The following SLC35D2 variants were observed in gnomAD, a reference collection of about 807,000 sequenced individuals.
SLC35D2 encodes the protein solute carrier family 35 member D2.
A neutral mutation model predicts 41.8 loss-of-function variants in SLC35D2; 43 were observed. The ratio of observed to expected loss-of-function variants is 1.03; its 90% CI spans 0.81 to 1.33. The LOEUF is 1.33. SLC35D2 is among the 40% of genes most tolerant of loss of function. SLC35D2 has a pLI of 0.00. For missense variants in SLC35D2, 380 were observed against 408.4 expected, an observed-to-expected ratio of 0.93 and a Z score of 0.60; for synonymous variants, 150 against 163.9, an observed-to-expected ratio of 0.92 and a Z score of 0.65.
At chr9:96,368,235 A>G in intron 2 of SLC35D2, 37 bp downstream of exon 2, 14 of 1,533,502 alleles carry the variant, frequency 9.1e-6, no homozygotes, top group Non-Finnish European at 1.2e-5. Flanking sequence ...AATACTGATA[A>G]CAAAATAAGA....
intron 1 of SLC35D2, among the ~76,000 whole-genome samples, chr9:96,368,630 T>G (rs1398338950): frequency 6.6e-6 from 1 of 151,094 alleles, no homozygotes; most frequent in Non-Finnish European, 1.5e-5. Context: ...GCCTCCCTAG[T>G]AGCTGGGACC....
chr9:96,371,474 C>CAAAAAAAAAAAAAAAAAAAAAAAAAAAA (rs539576375), intron 1 of SLC35D2, among the ~76,000 whole-genome samples: 4 of 46,648 alleles, frequency 8.6e-5, no homozygotes, highest in Admixed American at 4.4e-4. Context: ...GACTCTGTCT[C>CAAAAAAAAAAAAAAAAAAAAAAAAAAAA]AAAAAAAAAA....
At chr9:96,358,299 A>G (rs1282438887) in intron 4 of SLC35D2, among the ~76,000 whole-genome samples, 4 of 151,862 alleles carry the variant, frequency 2.6e-5, no homozygotes, top group Non-Finnish European at 4.4e-5. Context: ...AATGTAAACT[A>G]TAAAAATTCT....
At chr9:96,347,804 C>CT (rs966317028) in intron 6 of SLC35D2, among the ~76,000 whole-genome samples, 28 of 152,248 alleles carry the variant, frequency 1.8e-4, no homozygotes, top group African/African-American at 6.7e-4. Context: ...TCATAAAGAC[C>CT]TTGCTGATAG....
intron 4 of SLC35D2, among the ~76,000 whole-genome samples, chr9:96,358,210 C>T (rs1830120470): frequency 1.3e-5 from 2 of 150,122 alleles, no homozygotes; most frequent in South Asian, 4.2e-4. Flanking sequence ...ATAAGCCAGA[C>T]AAAAAAGGCA....
At chr9:96,315,146 G>T (rs1042918819) in intron 11 of SLC35D2, among the ~76,000 whole-genome samples, 1 of 152,068 alleles carries the variant, frequency 6.6e-6, no homozygotes, top group Non-Finnish European at 1.5e-5. Flanking sequence ...TAAAGACAAG[G>T]TCTTCCTTTG....
At chr9:96,346,863 G>T (rs911206032) in intron 6 of SLC35D2, among the ~76,000 whole-genome samples, 2 of 151,734 alleles carry the variant, frequency 1.3e-5, no homozygotes, top group African/African-American at 2.4e-5. Flanking sequence ...TTGGCCAGGC[G>T]TGGTGGCTCC....
chr9:96,330,083 A>T (rs1448980779), intron 9 of SLC35D2, among the ~76,000 whole-genome samples: 1 of 152,268 alleles, frequency 6.6e-6, no homozygotes, highest in African/African-American at 2.4e-5. Flanking sequence ...CTGACCACAG[A>T]CTGCTGGTGG....
At position 96,378,821 on chromosome 9, in the gene SLC35D2, C is replaced by A. The variant is rs1587730219; in HGVS notation, c.158+4656G>T. 2.6e-5 allele frequency among the ~76,000 whole-genome samples: 4 copies of A among 152,126 alleles called. No homozygotes were observed. In the South Asian group the frequency reaches 8.3e-4, roughly 32 times the overall value. The stretch of plus-strand genomic sequence containing the variant: ...GTGCACACCTGTAGTCTCAGCTACT[C>A]AGGAGGCTGAGGTGAGAGGATCACC... On this transcript the variant is annotated intron_variant, in intron 1 of 11. Coordinates refer to ENST00000253270, the MANE Select transcript of SLC35D2 (RefSeq NM_007001.3).
intron 9 of SLC35D2, among the ~76,000 whole-genome samples, chr9:96,333,465 G>A (rs994112175): frequency 6.6e-6 from 1 of 151,606 alleles, no homozygotes; most frequent in African/African-American, 2.4e-5. Context: ...CGTGGTGGCG[G>A]GCGCCTGTAG....
intron 6 of SLC35D2, among the ~76,000 whole-genome samples, chr9:96,347,978 G>C (rs914123193): frequency 1.2e-4 from 18 of 152,158 alleles, no homozygotes; most frequent in Admixed American, 1.2e-3. Flanking sequence ...CCCTTGTTTA[G>C]CAAATCATCA....
intron 8 of SLC35D2, among the ~76,000 whole-genome samples, chr9:96,342,599 C>A (rs1403434886): frequency 6.6e-6 from 1 of 152,154 alleles, no homozygotes; most frequent in Non-Finnish European, 1.5e-5. Flanking sequence ...AACAGGGAGG[C>A]TCAGGTTCAC....
At position 96,343,893 on chromosome 9, in the gene SLC35D2, C is replaced by A; in HGVS notation, c.684+11G>T. 1.3e-6 allele frequency: 2 copies of A among 1,497,152 alleles called. No homozygotes were observed. The highest frequency in any genetic ancestry group is 1.3e-5 in the South Asian group (1 of 77,330). 92.7% of individuals were successfully genotyped at this position (1,497,152 alleles called of 1,614,324 possible). A position where few individuals can be genotyped will look rare whatever the true frequency, so the allele number is the denominator to read the frequency against. ...AGCTAAGGAAAACTGTAATGATTGT[C>A]ATCAGCTCACCTGTTGCAGGTCTCC... On this transcript the variant is annotated intron_variant, in intron 8 of 11. Transcript: ENST00000253270.
chr9:96,363,794 C>T (rs1181525357), intron 3 of SLC35D2, among the ~76,000 whole-genome samples: 7 of 152,132 alleles, frequency 4.6e-5, no homozygotes, highest in Admixed American at 2.0e-4. Context: ...GGACATCAAC[C>T]CATTTAAATG....
chr9:96,350,964 T>G, intron 6 of SLC35D2, 139 bp downstream of exon 6: 1 of 629,068 alleles, frequency 1.6e-6, no homozygotes, highest in Admixed American at 2.7e-5. Flanking sequence ...ACATGGGGAT[T>G]CCACTAACTT....
chr9:96,315,350 G>A (rs1828025158), intron 11 of SLC35D2, among the ~76,000 whole-genome samples: 1 of 152,054 alleles, frequency 6.6e-6, no homozygotes, highest in South Asian at 2.1e-4. Flanking sequence ...TCAAACTCCT[G>A]GGTTCAAGCA....
chr9:96,379,017 G>A (rs1474714223), intron 1 of SLC35D2, among the ~76,000 whole-genome samples: 1 of 152,022 alleles, frequency 6.6e-6, no homozygotes, highest in East Asian at 1.9e-4. Context: ...GTATAACCAA[G>A]CCAGGCGCGG....
intron 10 of SLC35D2, among the ~76,000 whole-genome samples, chr9:96,322,355 C>CA (rs1587825840): frequency 6.6e-6 from 1 of 151,924 alleles, no homozygotes; most frequent in African/African-American, 2.4e-5. Flanking sequence ...CCCATCTCTA[C>CA]AAAAAATTTT....
At chr9:96,356,477 AAAG>A (rs914161317) in intron 4 of SLC35D2, among the ~76,000 whole-genome samples, 2 of 151,848 alleles carry the variant, frequency 1.3e-5, no homozygotes, top group African/African-American at 2.4e-5. Context: ...CTATCTTGAA[AAAG>A]AAGAACAAAG....
Sources: allele counts gnomAD v4.1 joint callset (sites outside exome capture counted in the v4.1 genomes callset), GRCh38; gene constraint gnomAD v4.1.1; transcripts MANE v1.5; gene names NCBI Gene and HGNC (gene_info 2026-07-23, HGNC 2026-07-21).